Variants in TAFA1 observed in about 807,000 individuals in gnomAD.
The protein encoded by TAFA1 is chemokine-like protein TAFA-1.
TAFA1 carries 4 observed loss-of-function variants against 18.5 expected under a neutral mutation model. The observed-to-expected ratio is 0.22, with a 90% CI of 0.11 to 0.49. TAFA1 has a LOEUF of 0.49. TAFA1 is among the 20% of genes least tolerant of loss of function. TAFA1 has a pLI of 0.98. For synonymous variants in TAFA1, 56 were observed against 55.2 expected (o/e 1.01, Z -0.06); for missense variants, 147 against 169.0 (o/e 0.87, Z 0.72).
At chr3:68,188,505 A>ATT (rs34928021) in intron 2 of TAFA1, among the ~76,000 whole-genome samples, 92,406 of 142,096 alleles carry the variant, frequency 0.65, 30,496 homozygotes, top group South Asian at 0.76. Flanking sequence ...GTGTATATAT[A>ATT]TTTATATATA....
At chr3:68,444,965 G>A (rs2071451624) in intron 3 of TAFA1, among the ~76,000 whole-genome samples, 4 of 151,654 alleles carry the variant, frequency 2.6e-5, no homozygotes, top group Admixed American at 2.0e-4. Flanking sequence ...TCACAGGATT[G>A]TTTAATTAAA....
At chr3:68,176,441 C>T (rs2066127430) in intron 2 of TAFA1, among the ~76,000 whole-genome samples, 1 of 152,204 alleles carries the variant, frequency 6.6e-6, no homozygotes. Flanking sequence ...ATGATTGCAC[C>T]ACTGCACTCC....
chr3:68,380,884 A>G (rs1157817631), intron 2 of TAFA1, among the ~76,000 whole-genome samples: 1 of 150,132 alleles, frequency 6.7e-6, no homozygotes, highest in African/African-American at 2.5e-5. Flanking sequence ...GTTTTCTTCT[A>G]GGGTTTTTAT....
rs538025861 is a variant in TAFA1, at chr3:68,134,965, G to A, written c.118+128221G>A. 2.0e-5 allele frequency among the ~76,000 whole-genome samples: 3 copies of A among 152,276 alleles called. No homozygotes were observed. The East Asian group carries it at 5.8e-4, about 29-fold the overall frequency. ...ACGTAACATGATGCTTGAACTTCAA[G>A]CACTGTCTTTAGGCATGCAAAATTT... On this transcript the variant is annotated intron_variant, in intron 2 of 4. Transcript: ENST00000478136.
At chr3:68,322,743 G>A (rs1050870646) in intron 2 of TAFA1, among the ~76,000 whole-genome samples, 1 of 152,118 alleles carries the variant, frequency 6.6e-6, no homozygotes, top group African/African-American at 2.4e-5. Context: ...AGGACTTCAA[G>A]ACCAGCCTGG....
intron 2 of TAFA1, among the ~76,000 whole-genome samples, chr3:68,061,383 T>C (rs2064600383): frequency 6.6e-6 from 1 of 152,242 alleles, no homozygotes; most frequent in African/African-American, 2.4e-5. Context: ...TCAGTCTGTG[T>C]GTCCTGAGAG....
chr3:68,176,902 AG>A (rs2066133502), intron 2 of TAFA1, among the ~76,000 whole-genome samples: 2 of 152,124 alleles, frequency 1.3e-5, no homozygotes, highest in South Asian at 4.1e-4. Flanking sequence ...TAGTTCTGGG[AG>A]GAATGTGGGG....
intron 2 of TAFA1, among the ~76,000 whole-genome samples, chr3:68,134,726 C>G (rs905693522): frequency 2.0e-4 from 30 of 152,206 alleles, no homozygotes; most frequent in Middle Eastern, 3.4e-3. Context: ...TGGAAAAATT[C>G]TAGATGCTGG....
At chr3:68,264,290 A>C (rs180929022) in intron 2 of TAFA1, among the ~76,000 whole-genome samples, 8 of 152,314 alleles carry the variant, frequency 5.3e-5, no homozygotes, top group Admixed American at 5.2e-4. Flanking sequence ...TAAATAAAGT[A>C]GATTGAAAAA....
chr3:68,482,267 A>G (rs1053253856), intron 3 of TAFA1, among the ~76,000 whole-genome samples: 3 of 152,174 alleles, frequency 2.0e-5, no homozygotes, highest in Non-Finnish European at 2.9e-5. Context: ...TCGGCCTCCC[A>G]AAGTGCTGGG....
At chr3:68,507,484 G>A (rs377568378) in intron 3 of TAFA1, among the ~76,000 whole-genome samples, 9 of 152,060 alleles carry the variant, frequency 5.9e-5, no homozygotes, top group Admixed American at 6.6e-5. Context: ...TAAAACTAGC[G>A]TCTAGAATTC....
intron 2 of TAFA1, among the ~76,000 whole-genome samples, chr3:68,392,176 CAAA>C (rs57440480): frequency 0.38 from 41,606 of 110,096 alleles, 6,296 homozygotes; most frequent in Non-Finnish European, 0.41. Context: ...TTTAGGAAAG[CAAA>C]AAAAAAAAAA....
intron 3 of TAFA1, among the ~76,000 whole-genome samples, chr3:68,523,020 G>A (rs1415599412): frequency 6.6e-6 from 1 of 152,112 alleles, no homozygotes; most frequent in Non-Finnish European, 1.5e-5. Flanking sequence ...AGGTTGCACT[G>A]AGCTGAGATC....
chr3:68,453,057 A>G (rs1001684926), intron 3 of TAFA1, among the ~76,000 whole-genome samples: 30 of 152,164 alleles, frequency 2.0e-4, no homozygotes, highest in African/African-American at 5.6e-4. Flanking sequence ...CCTTGCTGCT[A>G]TAGAATTGCT....
intron 3 of TAFA1, among the ~76,000 whole-genome samples, chr3:68,508,236 C>CTT (rs111541770): frequency 0.2 from 30,330 of 149,544 alleles, 3,084 homozygotes; most frequent in Middle Eastern, 0.23. Flanking sequence ...CCCATATGAT[C>CTT]TTTTTTTTTT....
intron 2 of TAFA1, among the ~76,000 whole-genome samples, chr3:68,397,416 G>A (rs971863660): frequency 6.6e-6 from 1 of 152,068 alleles, no homozygotes; most frequent in Non-Finnish European, 1.5e-5. Context: ...GTGGTGTTTG[G>A]TTTTCTGTTC....
At chr3:68,005,256 A>G (rs1045625228) in intron 1 of TAFA1, among the ~76,000 whole-genome samples, 1 of 152,256 alleles carries the variant, frequency 6.6e-6, no homozygotes, top group Admixed American at 6.5e-5. Context: ...ACAATAAGGC[A>G]AAGTATGTTG....
chr3:68,055,063 G>T (rs375687461), intron 2 of TAFA1, among the ~76,000 whole-genome samples: 2 of 152,070 alleles, frequency 1.3e-5, no homozygotes, highest in East Asian at 1.9e-4. Flanking sequence ...ATCTTATTTG[G>T]ATGGTAAGAA....
At chr3:68,089,747 G>C (rs1366827569) in intron 2 of TAFA1, among the ~76,000 whole-genome samples, 3 of 152,186 alleles carry the variant, frequency 2.0e-5, no homozygotes, top group Non-Finnish European at 4.4e-5. Flanking sequence ...GAGGCACTCA[G>C]AGAGAATCCT....
Sources: gnomAD v4.1 joint callset for allele counts (sites outside exome capture counted in the v4.1 genomes callset) on GRCh38, gnomAD v4.1.1 for gene constraint, MANE v1.5 for transcripts, NCBI Gene and HGNC (gene_info 2026-07-23, HGNC 2026-07-21) for gene names.